DISC1: variants seen among roughly 807,000 people sequenced by gnomAD.
The protein encoded by DISC1 is DISC1 scaffold protein.
In DISC1, 57 loss-of-function variants were observed where a neutral mutation model predicts 84.5. That is an observed-to-expected ratio of 0.67 (90% CI 0.55 to 0.84). DISC1 has a LOEUF of 0.84. DISC1 is among the 40% of genes least tolerant of loss of function. The pLI is 0.00. For missense variants in DISC1, 1,000 were observed against 1,057.8 expected, an observed-to-expected ratio of 0.95 and a Z score of 0.76; for synonymous variants, 411 against 415.2, an observed-to-expected ratio of 0.99 and a Z score of 0.12.
chr1:232,009,137 G>A lies in DISC1; in HGVS notation c.2307+88G>A. On this transcript the variant is annotated intron_variant, in intron 11 of 12. Transcript: ENST00000439617. This position sits in a 1 kb window ranked among gnomAD's most constrained non-coding sequence, Gnocchi z 4.6. ...GCTCCAAATGGGAACAATAAATATT[G>A]GGAAGGCTTCCCATTGAGCATATAA... 2 of 1,584,358 alleles carry A rather than the reference G, an allele frequency of 1.3e-6. No homozygotes were observed. Among genetic ancestry groups the A allele is most frequent in the Non-Finnish European group, 8.6e-7 (1 of 1,163,378 alleles).
At position 231,673,922 on chromosome 1, in the gene DISC1, C is replaced by G. The variant is rs139044814; in HGVS notation, c.68-19904C>G. Among the ~76,000 whole-genome samples the G allele has an allele frequency of 2.1e-3, 317 of 152,308 alleles. 3 individuals carry two copies. Among genetic ancestry groups the G allele is most frequent in the African/African-American group, 7.2e-3 (299 of 41,562 alleles). On this transcript the variant is annotated intron_variant, in intron 1 of 12. Transcript: ENST00000439617. Reference sequence around the variant, plus strand: ...CTCCTTACGAGTTTAGTCCTATGCTCTAAGACATGTGCATTTATCCCAGAC... The same window carrying G: ...CTCCTTACGAGTTTAGTCCTATGCTGTAAGACATGTGCATTTATCCCAGAC...
At chr1:231,850,575 T>A (rs545873057) in intron 9 of DISC1, among the ~76,000 whole-genome samples, 1 of 152,320 alleles carries the variant, frequency 6.6e-6, no homozygotes, top group South Asian at 2.1e-4. Context: ...TGTAGAGATA[T>A]CGATCCTGTA....
At chr1:232,005,437 G>A (rs1429155329) in intron 10 of DISC1, among the ~76,000 whole-genome samples, 1 of 152,194 alleles carries the variant, frequency 6.6e-6, no homozygotes, top group South Asian at 2.1e-4. Context: ...TGAAGTTAAT[G>A]TGCCTTTCTT....
intron 8 of DISC1, among the ~76,000 whole-genome samples, chr1:231,803,332 T>C (rs1001172966): frequency 1.3e-5 from 2 of 152,292 alleles, no homozygotes; most frequent in Non-Finnish European, 2.9e-5. Flanking sequence ...TCTCTATTAA[T>C]GTGTAATAAG....
chr1:232,019,273 C>T (rs1668740311), intron 11 of DISC1, among the ~76,000 whole-genome samples: 1 of 152,148 alleles, frequency 6.6e-6, no homozygotes, highest in Non-Finnish European at 1.5e-5. Flanking sequence ...AGACCATTTA[C>T]CTGTTATAAC....
At chr1:231,792,602 T>C (rs2078434018) in intron 6 of DISC1, among the ~76,000 whole-genome samples, 1 of 152,200 alleles carries the variant, frequency 6.6e-6, no homozygotes, top group Non-Finnish European at 1.5e-5. Context: ...CAAGGGAAAG[T>C]GCATTTCTGC....
chr1:231,996,926 A>G (rs1339784407), intron 10 of DISC1, among the ~76,000 whole-genome samples: 1 of 152,216 alleles, frequency 6.6e-6, no homozygotes, highest in Non-Finnish European at 1.5e-5. Flanking sequence ...CTTCTCTTCA[A>G]TAATTATTAC....
chr1:231,852,442 C>T (rs2083960248), intron 9 of DISC1, among the ~76,000 whole-genome samples: 2 of 152,184 alleles, frequency 1.3e-5, no homozygotes, highest in African/African-American at 2.4e-5. Flanking sequence ...AGCAAGGGTA[C>T]GAAGGATGTA....
chr1:231,664,184 G>T (rs527423190), intron 1 of DISC1, among the ~76,000 whole-genome samples: 15 of 152,148 alleles, frequency 9.9e-5, no homozygotes, highest in African/African-American at 3.6e-4. Flanking sequence ...TAAGTAATTT[G>T]CCAAAATTAC....
intron 9 of DISC1, among the ~76,000 whole-genome samples, chr1:231,831,695 TGC>T (rs1472092548): frequency 6.6e-6 from 1 of 152,204 alleles, no homozygotes; most frequent in Non-Finnish European, 1.5e-5. Context: ...GGAGGACCCT[TGC>T]GTAGTGAGGA....
intron 1 of DISC1, chr1:231,684,829 T>C (rs2064064861): frequency 6.6e-6 from 1 of 152,182 alleles, no homozygotes; most frequent in Admixed American, 6.5e-5. Context: ...GAGTCAAATC[T>C]CTAGCCTTTG....
intron 9 of DISC1, among the ~76,000 whole-genome samples, chr1:231,865,170 C>T (rs1339225641): frequency 2.6e-5 from 4 of 152,200 alleles, no homozygotes; most frequent in African/African-American, 4.8e-5. Context: ...CCCTGTCTTT[C>T]GGTCTTCACT....
At chr1:231,702,569 AATACCC>A in intron 3 of DISC1, 1 of 985,544 alleles carries the variant, frequency 1.0e-6, no homozygotes. Context: ...CATGGCCTAA[AATACCC>A]AAGAGAAAAA....
intron 2 of DISC1, among the ~76,000 whole-genome samples, chr1:231,697,133 C>G (rs930025859): frequency 4.6e-5 from 7 of 152,168 alleles, no homozygotes; most frequent in African/African-American, 1.7e-4. Context: ...CCCCAGACTG[C>G]TCACTGGGGT....
chr1:232,002,634 C>T (rs1217960752), intron 10 of DISC1, among the ~76,000 whole-genome samples: 1 of 146,128 alleles, frequency 6.8e-6, no homozygotes, highest in Non-Finnish European at 1.5e-5. Flanking sequence ...CACACACACA[C>T]ACACAAAAGC....
At chr1:231,868,347 C>A (rs1272477228) in intron 9 of DISC1, among the ~76,000 whole-genome samples, 2 of 152,040 alleles carry the variant, frequency 1.3e-5, no homozygotes, top group Non-Finnish European at 2.9e-5. Context: ...TTTTTCATCT[C>A]TTTCTTTATT....
intron 1 of DISC1, among the ~76,000 whole-genome samples, chr1:231,629,185 C>T (rs1391879942): frequency 5.9e-5 from 9 of 152,178 alleles, no homozygotes; most frequent in Non-Finnish European, 1.0e-4. Flanking sequence ...TGACAATTTG[C>T]AGAAAAGTTA....
intron 1 of DISC1, among the ~76,000 whole-genome samples, chr1:231,651,172 C>T (rs1275431927): frequency 6.6e-6 from 1 of 152,172 alleles, no homozygotes; most frequent in East Asian, 1.9e-4. Context: ...TTCAGCTTTT[C>T]TGCTCTGGTT....
intron 10 of DISC1, among the ~76,000 whole-genome samples, chr1:231,969,250 G>C (rs143132854): frequency 7.1e-5 from 10 of 141,354 alleles, no homozygotes; most frequent in African/African-American, 2.4e-4. Flanking sequence ...ACCTGCTGCA[G>C]AGGGTGGGAA....
Sources: allele counts gnomAD v4.1 joint callset (sites outside exome capture counted in the v4.1 genomes callset), GRCh38; gene constraint gnomAD v4.1.1; non-coding constraint Gnocchi (gnomAD v3.1); transcripts MANE v1.5; gene names NCBI Gene and HGNC (gene_info 2026-07-23, HGNC 2026-07-21).